TMA7: variants seen among roughly 807,000 people sequenced by gnomAD.
The protein encoded by TMA7 is translation machinery associated 7 homolog, also known as translation machinery-associated protein 7.
TMA7 carries 5 observed loss-of-function variants against 12.5 expected under a neutral mutation model. The observed-to-expected ratio is 0.40, with a 90% confidence interval of 0.21 to 0.84. The LOEUF is 0.84. Among genes scored for constraint, TMA7 ranks in the 40% least tolerant of loss-of-function variants. The pLI, the probability that TMA7 is intolerant of heterozygous loss-of-function variation, is 0.36. For synonymous variants in TMA7, 36 were observed against 28.1 expected, an observed-to-expected ratio of 1.28 and a Z score of -0.89; for missense variants, 71 against 75.4, an observed-to-expected ratio of 0.94 and a Z score of 0.22.
rs1469930387 is a variant in TMA7 at position 48,443,914 on chromosome 3, C to T, written c.*32C>T. On this transcript the variant is annotated 3_prime_UTR_variant, in exon 4 of 4. Transcript: ENST00000438607. The stretch of plus-strand genomic sequence containing the variant: ...CCTTGTGCCTGAGGAGATGGTGACC[C>T]TTTATTTCATCTGTATTTAAACCTC... 6.7e-7 allele frequency: 1 copy of T among 1,481,550 alleles called. No individual in the cohort carries two copies. Among genetic ancestry groups the T allele is most frequent in the Non-Finnish European group, 9.0e-7 (1 of 1,113,700 alleles). The allele number at this position is 1,481,550 out of a possible 1,614,324, so 91.8% of individuals were successfully genotyped here.
rs763391359 is a variant in TMA7, at chr3:48,440,311, A to T, written c.15A>T (p.Glu5Asp). The T allele has an allele frequency of 6.2e-6, 10 of 1,608,632 alleles. No individual in the cohort carries two copies. The highest frequency in any genetic ancestry group is 8.5e-6 in the Non-Finnish European group (10 of 1,177,458). ...CGGCAGGCGCCATGTCCGGCCGCGA[A>T]GGTAAGTGTTCCGGAACCGTGAGGA... is the stretch of plus-strand genomic sequence containing the variant. MSGREGGKKKPLKQP... is the reference protein window; with the variant it reads MSGRDGGKKKPLKQP... The change falls in exon 1 of 4, where the codon GAA becomes GAT. Residue 5 changes from glutamate (E) to aspartate (D), a missense_variant and splice_region_variant. Transcript: ENST00000438607.
At position 48,440,325 on chromosome 3, in the gene TMA7, G is replaced by A. The variant is rs534806553; in HGVS notation, c.16+13G>A. On this transcript the variant is annotated intron_variant, in intron 1 of 3. Coordinates refer to ENST00000438607, the MANE Select transcript of TMA7 (RefSeq NM_015933.6). ...TCCGGCCGCGAAGGTAAGTGTTCCGGAACCGTGAGGACTGCGGGGACGGCG... is the reference window on the plus strand; with the variant it reads ...TCCGGCCGCGAAGGTAAGTGTTCCGAAACCGTGAGGACTGCGGGGACGGCG... 189 of 1,611,536 alleles carry A rather than the reference G, an allele frequency of 1.2e-4. No homozygotes were observed. The highest frequency in any genetic ancestry group is 1.5e-4 in the Non-Finnish European group (178 of 1,179,528).
At chr3:48,441,603 C>A (rs956236847) in intron 3 of TMA7, among the ~76,000 whole-genome samples, 1 of 152,040 alleles carries the variant, frequency 6.6e-6, no homozygotes, top group Non-Finnish European at 1.5e-5. Context: ...CTTCAGTGTG[C>A]TGTTGCTCCA....
rs753473017 is a variant in TMA7 at position 48,440,543 on chromosome 3, A to G, written c.75A>G (p.Glu25=). The G allele has an allele frequency of 7.4e-6, 12 of 1,611,308 alleles. No homozygotes were observed. The highest frequency in any genetic ancestry group is 1.0e-5 in the Non-Finnish European group (12 of 1,179,556). Residue 25 remains glutamate (E), a splice_region_variant and synonymous_variant, in exon 3 of 4, where the codon GAA becomes GAG. Coordinates refer to ENST00000438607, the MANE Select transcript of TMA7 (RefSeq NM_015933.6). Reference sequence around the variant, plus strand: ...GAACACGCTCTGCCTCTCCCCAGGAAGATAAGGCTTTCAAGCAGAAACAAA... The same window carrying G: ...GAACACGCTCTGCCTCTCCCCAGGAGGATAAGGCTTTCAAGCAGAAACAAA... The part of the protein sequence containing the change: ...PKKQAKEMDE[E]DKAFKQKQKE...
chr3:48,441,872 G>C (rs2039577741), intron 3 of TMA7, among the ~76,000 whole-genome samples: 1 of 152,186 alleles, frequency 6.6e-6, no homozygotes, highest in Non-Finnish European at 1.5e-5. Context: ...CTCTCTCCCA[G>C]TGGGTTTGAT....
In TMA7 at chr3:48,443,851, C is replaced by T; in HGVS notation, c.164C>T (p.Thr55Ile). 1 of 1,559,816 alleles carries T rather than the reference C, an allele frequency of 6.4e-7. No homozygotes were observed. The highest frequency in any genetic ancestry group is 2.4e-5 in the East Asian group (1 of 41,576). ...AKAAGKGPLATGGIKKSGKK is the reference protein window; with the variant it reads ...AKAAGKGPLAIGGIKKSGKK ...TGTGACTATTTTTCTTTTGCAGCCA[C>T]AGGTGGAATTAAGAAATCTGGCAAA... Residue 55 changes from threonine (T) to isoleucine (I), a missense_variant, in exon 4 of 4, where the codon ACA (threonine) becomes ATA (isoleucine). Thr to Ile is a moderately conservative substitution (Grantham distance 89, BLOSUM62 -1). Transcript: ENST00000438607.
At chr3:48,442,260 CA>C (rs199829895) in intron 3 of TMA7, among the ~76,000 whole-genome samples, 82,948 of 131,878 alleles carry the variant, frequency 0.63, 23,739 homozygotes, top group East Asian at 0.73. Context: ...GACCCTATCT[CA>C]AAAAAAAAAA....
intron 3 of TMA7, among the ~76,000 whole-genome samples, chr3:48,441,355 G>A (rs1255590015): frequency 2.0e-5 from 3 of 147,608 alleles, no homozygotes; most frequent in East Asian, 4.0e-4. Flanking sequence ...GTTTTTTTTT[G>A]TATTTATAGT....
intron 3 of TMA7, 33 bp downstream of exon 3, chr3:48,440,661 C>A (rs764850341): frequency 2.2e-5 from 35 of 1,587,934 alleles, no homozygotes; most frequent in Non-Finnish European, 2.9e-5. Context: ...TCAAGCTGGC[C>A]AAACGCTATG....
rs1575432632 is a variant in TMA7, at chr3:48,444,137, A to T, written c.*255A>T. Reference sequence around the variant, plus strand: ...TAAAACCAGCTCAGAATCTTGCCAGAGTCTGTTCTTTGGTCCTTGTTCTAC... The same window carrying T: ...TAAAACCAGCTCAGAATCTTGCCAGTGTCTGTTCTTTGGTCCTTGTTCTAC... On this transcript the variant is annotated 3_prime_UTR_variant, in exon 4 of 4. Transcript: ENST00000438607. The T allele has an allele frequency of 5.7e-6, 2 of 348,934 alleles. No homozygotes were observed. Among genetic ancestry groups the T allele is most frequent in the East Asian group, 8.7e-5 (2 of 23,040 alleles). The allele number at this position is 348,934 out of a possible 1,614,324, so 21.6% of individuals were successfully genotyped here. A position where few individuals can be genotyped will look rare whatever the true frequency, so the allele number is the denominator to read the frequency against.
chr3:48,440,281 A>C lies in TMA7; in HGVS notation c.-16A>C. Reference sequence around the variant, plus strand: ...CGTTTCCGGTGGCAGGGTCTGGGGAAGCGGCGGCAGGCGCCATGTCCGGCC... The same window carrying C: ...CGTTTCCGGTGGCAGGGTCTGGGGACGCGGCGGCAGGCGCCATGTCCGGCC... On this transcript the variant is annotated 5_prime_UTR_variant, in exon 1 of 4. Coordinates refer to ENST00000438607, the MANE Select transcript of TMA7 (RefSeq NM_015933.6). 1.2e-6 allele frequency: 2 copies of C among 1,600,022 alleles called. No homozygotes were observed. The highest frequency in any genetic ancestry group is 2.2e-5 in the East Asian group (1 of 44,760).
At chr3:48,443,685 C>G (rs747175680) in intron 3 of TMA7, among the ~76,000 whole-genome samples, 163 bp from the exon 4 acceptor site, 1 of 152,016 alleles carries the variant, frequency 6.6e-6, no homozygotes, top group South Asian at 2.1e-4. Context: ...CTCATTTTAC[C>G]TTTACCTAGA....
intron 3 of TMA7, among the ~76,000 whole-genome samples, chr3:48,442,342 ACT>A (rs1310871355): frequency 1.3e-5 from 2 of 151,178 alleles, no homozygotes; most frequent in Admixed American, 6.6e-5. Flanking sequence ...CTTTAGTGTA[ACT>A]CTATGCTAGT....
At chr3:48,440,755 C>G in intron 3 of TMA7, 127 bp downstream of exon 3, 2 of 828,126 alleles carry the variant, frequency 2.4e-6, no homozygotes, top group Non-Finnish European at 1.9e-6. Flanking sequence ...TCCGCTGCAG[C>G]GAATGGTCTC....
chr3:48,440,518 G>C (rs766215330), intron 2 of TMA7, 23 bp from the exon 3 acceptor site: 1 of 1,607,846 alleles, frequency 6.2e-7, no homozygotes. Flanking sequence ...GGCCTGAGTT[G>C]AACACGCTCT....
intron 3 of TMA7, among the ~76,000 whole-genome samples, chr3:48,441,512 AT>A (rs1482641079): frequency 1.4e-5 from 2 of 147,556 alleles, no homozygotes; most frequent in Non-Finnish European, 3.0e-5. Context: ...TACTGCTTAT[AT>A]TATCTCTAAT....
chr3:48,440,524 G>A lies in TMA7; in HGVS notation c.73-17G>A. The A allele has an allele frequency of 3.1e-6, 5 of 1,608,558 alleles. No individual in the cohort carries two copies. The highest frequency in any genetic ancestry group is 4.2e-6 in the Non-Finnish European group (5 of 1,178,344). ...TGGGAGACAGGCCTGAGTTGAACAC[G>A]CTCTGCCTCTCCCCAGGAAGATAAG... is the stretch of plus-strand genomic sequence containing the variant. On this transcript the variant is annotated splice_polypyrimidine_tract_variant and intron_variant, in intron 2 of 3. Coordinates refer to ENST00000438607, the MANE Select transcript of TMA7 (RefSeq NM_015933.6).
intron 3 of TMA7, among the ~76,000 whole-genome samples, chr3:48,443,241 C>CAA (rs3082576): frequency 1.1e-4 from 8 of 70,528 alleles, no homozygotes; most frequent in Admixed American, 1.7e-4. Context: ...ACTCCATCTC[C>CAA]AAAAAAAAAA....
chr3:48,441,347 T>C (rs2039559844), intron 3 of TMA7, among the ~76,000 whole-genome samples: 1 of 151,880 alleles, frequency 6.6e-6, no homozygotes, highest in South Asian at 2.1e-4. Context: ...CCTGGCCAGT[T>C]TTTTTTTGTA....
Sources: gnomAD v4.1 joint callset for allele counts (sites outside exome capture counted in the v4.1 genomes callset) on GRCh38, gnomAD v4.1.1 for gene constraint, MANE v1.5 for transcripts, NCBI Gene and HGNC (gene_info 2026-07-23, HGNC 2026-07-21) for gene names.